UBE2L6: variants seen among roughly 807,000 people sequenced by gnomAD.
UBE2L6 encodes the protein ubiquitin/ISG15-conjugating enzyme E2 L6.
UBE2L6 carries 11 observed loss-of-function variants against 13.6 expected under a neutral mutation model. The ratio of observed to expected loss-of-function variants is 0.81; its 90% CI spans 0.51 to 1.34. The LOEUF is 1.34. Among genes scored for constraint, UBE2L6 ranks in the 40% most tolerant of loss-of-function variants. UBE2L6 has a pLI of 0.00. For missense variants in UBE2L6, 197 were observed against 199.5 expected, an observed-to-expected ratio of 0.99 and a Z score of 0.07; for synonymous variants, 74 against 83.2, an observed-to-expected ratio of 0.89 and a Z score of 0.60.
intron 1 of UBE2L6, among the ~76,000 whole-genome samples, chr11:57,565,443 C>T (rs1430842109): frequency 7.1e-6 from 1 of 140,560 alleles, no homozygotes; most frequent in Admixed American, 7.8e-5. Context: ...CAGCTCACTG[C>T]AGCCTCAACC....
intron 2 of UBE2L6, among the ~76,000 whole-genome samples, chr11:57,558,761 G>A (rs1420752496): frequency 6.6e-6 from 1 of 152,208 alleles, no homozygotes; most frequent in Admixed American, 6.5e-5. Context: ...AGGAATTTGT[G>A]TGCTATTCCA....
chr11:57,559,818 G>A (rs1342785459), intron 2 of UBE2L6, among the ~76,000 whole-genome samples: 1 of 152,198 alleles, frequency 6.6e-6, no homozygotes, highest in Non-Finnish European at 1.5e-5. Flanking sequence ...TTGGAATACT[G>A]CTTTCAGAGA....
chr11:57,557,319 G>T lies in UBE2L6; in HGVS notation c.124-2696C>A, dbSNP rs144064172. Among the ~76,000 whole-genome samples the T allele has an allele frequency of 1.9e-3, 290 of 151,532 alleles. 1 individual carries two copies. Among genetic ancestry groups the T allele is most frequent in the Admixed American group, 6.2e-3 (95 of 15,238 alleles). On this transcript the variant is annotated intron_variant, in intron 2 of 3. Transcript: ENST00000287156. The stretch of plus-strand genomic sequence containing the variant: ...CTTCTCTTGCATGTGATCTGTACAC[G>T]TGGCTCCCCTTTGCCTTCCACCATG...
chr11:57,560,225 C>T, intron 2 of UBE2L6, 112 bp downstream of exon 2: 1 of 801,556 alleles, frequency 1.2e-6, no homozygotes, highest in East Asian at 2.5e-5. Context: ...TGATAACCTC[C>T]AGTAAAAGGA....
chr11:57,566,467 G>A (rs746139929), intron 1 of UBE2L6, among the ~76,000 whole-genome samples: 2 of 152,188 alleles, frequency 1.3e-5, no homozygotes, highest in African/African-American at 2.4e-5. Context: ...TGTAAAATGC[G>A]GGTATATATT....
intron 1 of UBE2L6, chr11:57,560,644 A>G (rs1351215547): frequency 7.6e-5 from 34 of 446,946 alleles, no homozygotes; most frequent in Non-Finnish European, 5.7e-5. Flanking sequence ...TTTTTGAGAC[A>G]GAGTCTCGCT....
chr11:57,556,849 G>A (rs778541415), intron 2 of UBE2L6, among the ~76,000 whole-genome samples: 3 of 152,004 alleles, frequency 2.0e-5, no homozygotes, highest in Non-Finnish European at 4.4e-5. Context: ...ACTTTGGGAG[G>A]CTGAGGCAGA....
In UBE2L6 at chr11:57,557,111, A is replaced by G. The variant is rs80296729; in HGVS notation, c.124-2488T>C. On this transcript the variant is annotated intron_variant, in intron 2 of 3. Transcript: ENST00000287156. ...AGAAAAGAAAAGAATTTGATCCCCA[A>G]TGTTGGAGGTGGGGCCTACCAGGAG... Among the ~76,000 whole-genome samples, 21 of 151,692 alleles carry G rather than the reference A, an allele frequency of 1.4e-4. No individual in the cohort carries two copies. In the East Asian group the frequency reaches 1.9e-3, roughly 14 times the overall value.
At chr11:57,566,947 G>GCC (rs10624657) in intron 1 of UBE2L6, 124 of 102,382 alleles carry the variant, frequency 1.2e-3, no homozygotes, top group African/African-American at 7.5e-3. Context: ...ATCTCTGCCC[G>GCC]CCCCCCCCCC....
intron 1 of UBE2L6, among the ~76,000 whole-genome samples, chr11:57,562,070 C>T (rs957028659): frequency 1.3e-5 from 2 of 152,124 alleles, no homozygotes; most frequent in South Asian, 2.1e-4. Context: ...ATTATCTGGC[C>T]GAACAAGAGG....
intron 3 of UBE2L6, 26 bp downstream of exon 3, chr11:57,554,411 C>T (rs1944981681): frequency 6.2e-7 from 1 of 1,611,358 alleles, no homozygotes; most frequent in Non-Finnish European, 8.5e-7. Flanking sequence ...GTATCAGTCC[C>T]TCCTCCAAGC....
At chr11:57,552,986 G>A (rs1944970749) in intron 3 of UBE2L6, among the ~76,000 whole-genome samples, 1 of 152,062 alleles carries the variant, frequency 6.6e-6, no homozygotes, top group Admixed American at 6.6e-5. Context: ...ACATCCACAT[G>A]CAAAACAGAC....
rs895588664 is a variant in UBE2L6, at chr11:57,556,358, G to C, written c.124-1735C>G. Among the ~76,000 whole-genome samples the C allele has an allele frequency of 3.3e-5, 5 of 152,208 alleles. No homozygotes were observed. In the East Asian group the frequency reaches 5.8e-4, roughly 18 times the overall value. The stretch of plus-strand genomic sequence containing the variant: ...CCAGCACTTTGGGAGTCCAAAGTGG[G>C]CAGATCCCCTGAGGTCGGGAGTTCA... On this transcript the variant is annotated intron_variant, in intron 2 of 3. Coordinates refer to ENST00000287156, the MANE Select transcript of UBE2L6 (RefSeq NM_004223.5).
At chr11:57,553,499 G>C (rs532205330) in intron 3 of UBE2L6, among the ~76,000 whole-genome samples, 1 of 151,492 alleles carries the variant, frequency 6.6e-6, no homozygotes, top group East Asian at 2.0e-4. Context: ...TGTCTCAGTA[G>C]AAAAAACAAA....
upstream of UBE2L6, chr11:57,567,748 G>A (rs1945105603): frequency 1.9e-6 from 2 of 1,078,030 alleles, no homozygotes; most frequent in Non-Finnish European, 2.6e-6. Context: ...CGCTGCGTGG[G>A]CCTCCCCGCA....
chr11:57,558,076 T>G (rs905207992), intron 2 of UBE2L6, among the ~76,000 whole-genome samples: 2 of 152,124 alleles, frequency 1.3e-5, no homozygotes. Context: ...TTTTGCTACT[T>G]TATTTTGTTT....
At chr11:57,559,428 T>C (rs1001189894) in intron 2 of UBE2L6, among the ~76,000 whole-genome samples, 2 of 152,106 alleles carry the variant, frequency 1.3e-5, no homozygotes, top group East Asian at 1.9e-4. Flanking sequence ...CTGGCCAACA[T>C]AGCAAAATCC....
intron 1 of UBE2L6, among the ~76,000 whole-genome samples, chr11:57,565,366 T>G (rs7105312): frequency 0.25 from 21,555 of 87,002 alleles, 2,447 homozygotes; most frequent in African/African-American, 0.41. Context: ...GTTTTTTTTT[T>G]TTTTTTTTTT....
chr11:57,564,420 G>GAGACC, intron 1 of UBE2L6, among the ~76,000 whole-genome samples: 1 of 152,302 alleles, frequency 6.6e-6, no homozygotes, highest in South Asian at 2.1e-4. Flanking sequence ...CAAAAGCTGA[G>GAGACC]AGATACCATC....
Sources: gnomAD v4.1 joint callset for allele counts (sites outside exome capture counted in the v4.1 genomes callset) on GRCh38, gnomAD v4.1.1 for gene constraint, MANE v1.5 for transcripts, NCBI Gene and HGNC (gene_info 2026-07-23, HGNC 2026-07-21) for gene names.